The following CNGB1 variants were observed in gnomAD, a reference collection of about 807,000 sequenced individuals.
CNGB1 encodes cyclic nucleotide gated channel subunit beta 1.
Under a neutral mutation model 151.7 loss-of-function variants are expected in CNGB1, and 126 were observed. The ratio of observed to expected loss-of-function variants is 0.83; its 90% CI spans 0.72 to 0.96. The LOEUF (loss-of-function observed/expected upper bound fraction) is 0.96, where lower values mean the gene tolerates loss of function less well. Among genes scored for constraint, CNGB1 ranks in the 40% least tolerant of loss-of-function variants. The pLI is 0.00. For missense variants in CNGB1, 1,698 were observed against 1,627.0 expected (o/e 1.04, Z -0.75); for synonymous variants, 623 against 635.1 (o/e 0.98, Z 0.29).
intron 10 of CNGB1, among the ~76,000 whole-genome samples, chr16:57,958,921 C>CTTTTTTTTTTT (rs10708381): frequency 8.3e-6 from 1 of 119,870 alleles, no homozygotes; most frequent in Admixed American, 9.1e-5. Context: ...TCATGCCCAG[C>CTTTTTTTTTTT]TTTTTTTTTT....
Position 57,971,111 on chromosome 16 carries a change from A to G in CNGB1, c.-60T>C, listed in dbSNP as rs1003807057. The G allele has an allele frequency of 1.3e-4, 20 of 152,280 alleles. 1 individual carries two copies. Among genetic ancestry groups the G allele is most frequent in the Admixed American group, 1.2e-3 (19 of 15,274 alleles). 9.4% of individuals were successfully genotyped at this position (152,280 alleles called of 1,614,324 possible). Reference sequence around the variant, plus strand: ...GAATTGCCTTCTTGCTGCCACTCGTAGCTGGCCCCTCAGACACAAGGAAGA... The same window carrying G: ...GAATTGCCTTCTTGCTGCCACTCGTGGCTGGCCCCTCAGACACAAGGAAGA... On this transcript the variant is annotated 5_prime_UTR_variant, in exon 1 of 33. Transcript: ENST00000251102.
chr16:57,960,674 C>A (rs984522563), intron 8 of CNGB1, 144 bp from the exon 9 acceptor site: 39 of 1,292,152 alleles, frequency 3.0e-5, no homozygotes, highest in Non-Finnish European at 4.2e-5. Flanking sequence ...ATCCCGGCCC[C>A]CTCTCACAGT....
intron 2 of CNGB1, 135 bp downstream of exon 2, chr16:57,966,985 AAGTGTGGG>A: frequency 8.9e-7 from 1 of 1,126,024 alleles, no homozygotes; most frequent in African/African-American, 1.5e-5. Context: ...TCACTCGAAC[AAGTGTGGG>A]ACCCTGTGAC....
At chr16:57,903,358 G>A (rs1421217465) in intron 27 of CNGB1, among the ~76,000 whole-genome samples, 1 of 151,914 alleles carries the variant, frequency 6.6e-6, no homozygotes, top group African/African-American at 2.4e-5. Context: ...CAGGCATGGT[G>A]GCACATGCCT....
chr16:57,933,957 A>C (rs1042180952), intron 16 of CNGB1, among the ~76,000 whole-genome samples: 5 of 151,978 alleles, frequency 3.3e-5, no homozygotes, highest in Non-Finnish European at 5.9e-5. Context: ...TCCTGATCTC[A>C]GGTGATCTGC....
intron 22 of CNGB1, among the ~76,000 whole-genome samples, chr16:57,915,769 C>T: frequency 6.6e-6 from 1 of 151,764 alleles, no homozygotes; most frequent in Non-Finnish European, 1.5e-5. Flanking sequence ...TGTGGTGACG[C>T]ACACTTGTAA....
chr16:57,936,649 A>C (rs1478183487), intron 16 of CNGB1, among the ~76,000 whole-genome samples: 1 of 152,172 alleles, frequency 6.6e-6, no homozygotes, highest in Non-Finnish European at 1.5e-5. Flanking sequence ...AAAAGTAGTC[A>C]GGCGTGATGG....
intron 14 of CNGB1, among the ~76,000 whole-genome samples, chr16:57,940,584 T>C (rs2149376798): frequency 6.6e-6 from 1 of 152,160 alleles, no homozygotes; most frequent in South Asian, 2.1e-4. Flanking sequence ...GCCTGTAAGC[T>C]GAGCCTCCAG....
At chr16:57,960,181 G>A in intron 9 of CNGB1, 116 bp from the exon 10 acceptor site, 1 of 1,492,310 alleles carries the variant, frequency 6.7e-7, no homozygotes, top group Non-Finnish European at 8.9e-7. Context: ...GGAGCCCTTT[G>A]GGACCACCTC....
chr16:57,962,997 T>G lies in CNGB1; in HGVS notation c.358A>C (p.Ser120Arg), dbSNP rs375397174. The G allele has an allele frequency of 8.7e-6, 14 of 1,613,426 alleles. No individual in the cohort carries two copies. The highest frequency in any genetic ancestry group is 1.2e-5 in the Non-Finnish European group (14 of 1,180,034). Reference protein sequence around the residue: ...VEKVIPQPVHSITEDPAQILG... With the variant: ...VEKVIPQPVHRITEDPAQILG... ...ACCTGAGCCGGGTCCTCCGTGATGCTGTGAACAGGCTGCGGGATCACCTTC... is the reference window on the plus strand; with the variant it reads ...ACCTGAGCCGGGTCCTCCGTGATGCGGTGAACAGGCTGCGGGATCACCTTC... The change falls in exon 5 of 33, where the codon AGC becomes CGC. Residue 120 changes from serine (S) to arginine (R), a missense_variant. Physicochemically the swap from Ser to Arg is moderately radical, Grantham distance 110. Transcript: ENST00000251102.
intron 14 of CNGB1, among the ~76,000 whole-genome samples, chr16:57,947,217 A>G (rs1961831938): frequency 1.3e-5 from 2 of 152,234 alleles, no homozygotes. Context: ...TAGTTAGTAC[A>G]CATCTGCACA....
At chr16:57,955,979 A>G (rs1384339599) in intron 12 of CNGB1, among the ~76,000 whole-genome samples, 1 of 152,046 alleles carries the variant, frequency 6.6e-6, no homozygotes, top group African/African-American at 2.4e-5. Context: ...AGAAAATGAA[A>G]CCAAGCCAGC....
chr16:57,899,455 C>T (rs1960325801), intron 29 of CNGB1, among the ~76,000 whole-genome samples: 1 of 152,184 alleles, frequency 6.6e-6, no homozygotes, highest in Non-Finnish European at 1.5e-5. Context: ...GCCTAGCCAA[C>T]ATGGCAAAAC....
At chr16:57,933,692 T>C (rs1437661603) in intron 16 of CNGB1, among the ~76,000 whole-genome samples, 4 of 151,316 alleles carry the variant, frequency 2.6e-5, no homozygotes, top group Non-Finnish European at 4.4e-5. Context: ...ATTATATATG[T>C]GCTTTTTGTT....
At chr16:57,929,642 A>G in intron 17 of CNGB1, among the ~76,000 whole-genome samples, 1 of 152,216 alleles carries the variant, frequency 6.6e-6, no homozygotes, top group East Asian at 1.9e-4. Flanking sequence ...AGAGCAGGAG[A>G]GAAAGAAAGA....
In CNGB1 at chr16:57,964,409, C is replaced by T; in HGVS notation, c.217+78G>A. ...TCATCTGTGAAATGGGTCCGCCAGC[C>T]TCGTGGGCTCTGCGGCTCCGAGGGG... On this transcript the variant is annotated intron_variant, in intron 3 of 32. Transcript: ENST00000251102. 4 of 1,572,580 alleles carry T rather than the reference C, an allele frequency of 2.5e-6. No homozygotes were observed. The South Asian group carries it at 3.3e-5, about 13-fold the overall frequency.
At chr16:57,927,834 C>G (rs1961233461) in intron 17 of CNGB1, among the ~76,000 whole-genome samples, 1 of 152,212 alleles carries the variant, frequency 6.6e-6, no homozygotes, top group Admixed American at 6.5e-5. Flanking sequence ...GGAGCCATTT[C>G]TGGATCCCCT....
chr16:57,959,981 G>T lies in CNGB1; in HGVS notation c.668C>A (p.Pro223His). Residue 223 changes from proline (P) to histidine (H), a missense_variant, in exon 10 of 33, where the codon CCC becomes CAC. Coordinates refer to ENST00000251102, the MANE Select transcript of CNGB1 (RefSeq NM_001297.5). ...TGGTGCCTCCTTGGGTTCCTCCTTG[G>T]GCTGCAGGGGGATGGGTGTGGGCAG... ...PSLPTPIPLQ[P>H]KEEPKEAPAP... 11 of 1,591,054 alleles carry T rather than the reference G, an allele frequency of 6.9e-6. No homozygotes were observed. Among genetic ancestry groups the T allele is most frequent in the Non-Finnish European group, 9.4e-6 (11 of 1,169,302 alleles).
Position 57,958,267 on chromosome 16 carries a change from G to T in CNGB1, c.837+143C>A, listed in dbSNP as rs948185249. 1.4e-5 allele frequency: 10 copies of T among 725,228 alleles called. No homozygotes were observed. The African/African-American group carries it at 1.4e-4, about 10-fold the overall frequency. 44.9% of individuals were successfully genotyped at this position (725,228 alleles called of 1,614,324 possible). A position where few individuals can be genotyped will look rare whatever the true frequency, so the allele number is the denominator to read the frequency against. On this transcript the variant is annotated intron_variant, in intron 11 of 32. Transcript: ENST00000251102. Reference sequence around the variant, plus strand: ...TGGGCCAGCATGTCTCAGGGAGTGGGTGGAATGAACGTGGGCCATGCAGAC... The same window carrying T: ...TGGGCCAGCATGTCTCAGGGAGTGGTTGGAATGAACGTGGGCCATGCAGAC...
Sources: allele counts gnomAD v4.1 joint callset (sites outside exome capture counted in the v4.1 genomes callset), GRCh38; gene constraint gnomAD v4.1.1; transcripts MANE v1.5; gene names NCBI Gene and HGNC (gene_info 2026-07-23, HGNC 2026-07-21).